COL6A1: variants seen among roughly 807,000 people sequenced by gnomAD.
COL6A1 encodes the protein collagen type VI alpha 1 chain, also known as collagen alpha-1(VI) chain.
COL6A1 carries 80 observed loss-of-function variants against 145.6 expected under a neutral mutation model. That is an observed-to-expected ratio of 0.55 (90% CI 0.46 to 0.66). The LOEUF (loss-of-function observed/expected upper bound fraction) is 0.66, where lower values mean the gene tolerates loss of function less well. Among genes scored for constraint, COL6A1 ranks in the 30% least tolerant of loss-of-function variants. COL6A1 has a pLI of 0.00. For synonymous variants in COL6A1, 638 were observed against 622.8 expected (o/e 1.02, Z -0.36); for missense variants, 1,364 against 1,473.8 (o/e 0.93, Z 1.22).
chr21:46,004,283 C>G lies in COL6A1; in HGVS notation c.*270C>G. On this transcript the variant is annotated 3_prime_UTR_variant, in exon 35 of 35. Transcript: ENST00000361866. Reference sequence around the variant, plus strand: ...GCACAGGGCCCTCTGAGGCTCAGCCCTGAGCTGGCGTCACCTGTGCAGGGC... The same window carrying G: ...GCACAGGGCCCTCTGAGGCTCAGCCGTGAGCTGGCGTCACCTGTGCAGGGC... 1.8e-6 allele frequency: 1 copy of G among 547,438 alleles called. No homozygotes were observed. The highest frequency in any genetic ancestry group is 3.3e-6 in the Non-Finnish European group (1 of 306,206). 33.9% of individuals were successfully genotyped at this position (547,438 alleles called of 1,614,324 possible).
At chr21:45,987,199 C>T (rs1038957374) in intron 6 of COL6A1, 24 bp downstream of exon 6, 2 of 1,590,904 alleles carry the variant, frequency 1.3e-6, no homozygotes, top group African/African-American at 2.7e-5. Flanking sequence ...CCACCACCCC[C>T]AGCCGTGAGT....
chr21:45,982,853 C>T (rs183054027), intron 2 of COL6A1, 90 bp downstream of exon 2: 1 of 1,561,050 alleles, frequency 6.4e-7, no homozygotes, highest in Non-Finnish European at 8.7e-7. Flanking sequence ...GTGCGACGGC[C>T]TCAACCTCCT....
chr21:45,993,820 C>A (rs2077789942), intron 19 of COL6A1, among the ~76,000 whole-genome samples: 1 of 152,216 alleles, frequency 6.6e-6, no homozygotes, highest in Non-Finnish European at 1.5e-5. Flanking sequence ...AGAGGAAGGG[C>A]CAGCCACGCA....
chr21:46,001,205 G>A (rs2077842701), intron 29 of COL6A1, 48 bp from the exon 30 acceptor site: 2 of 1,589,092 alleles, frequency 1.3e-6, no homozygotes, highest in Non-Finnish European at 1.7e-6. Flanking sequence ...AGGGGCCAGG[G>A]CACTGGAGGG....
intron 3 of COL6A1, among the ~76,000 whole-genome samples, chr21:45,985,954 C>G (rs923396584): frequency 6.6e-6 from 1 of 152,216 alleles, no homozygotes; most frequent in East Asian, 1.9e-4. Flanking sequence ...CAGACAGACA[C>G]GACTCCCCTA....
At position 45,990,966 on chromosome 21, in the gene COL6A1, C is replaced by T. The variant is rs1408056882; in HGVS notation, c.1057-13C>T. 4 of 1,613,476 alleles carry T rather than the reference C, an allele frequency of 2.5e-6. No homozygotes were observed. The highest frequency in any genetic ancestry group is 1.3e-5 in the African/African-American group (1 of 75,056). ...CCTCTGCCGGTGGTGTCATGCTGCC[C>T]TCTTTTCTCCAGGGCATTCAAGGAC... On this transcript the variant is annotated splice_polypyrimidine_tract_variant and intron_variant, in intron 14 of 34. Transcript: ENST00000361866.
Position 46,000,750 on chromosome 21 carries a change from TCTC to T in COL6A1, c.1814-5_1814-3del. 1.2e-6 allele frequency: 2 copies of T among 1,613,886 alleles called. No homozygotes were observed. Among genetic ancestry groups the T allele is most frequent in the Non-Finnish European group, 1.7e-6 (2 of 1,179,880 alleles). ...GACTGGTCTAACTGACTCTTTCTCT[TCTC>T]CTCAGCTTGCTGTGGTGAGACCCAG... On this transcript the variant is annotated splice_polypyrimidine_tract_variant and splice_region_variant and intron_variant, in intron 28 of 34. Transcript: ENST00000361866.
chr21:45,990,205 C>T, intron 11 of COL6A1, 53 bp from the exon 12 acceptor site: 1 of 1,608,062 alleles, frequency 6.2e-7, no homozygotes, highest in Non-Finnish European at 8.5e-7. Flanking sequence ...GCCAGGCTTG[C>T]CCTGCCCTCC....
chr21:45,984,277 G>T lies in COL6A1; in HGVS notation c.236G>T (p.Arg79Leu), dbSNP rs768212224. Residue 79 changes from arginine to leucine, a missense_variant, in exon 3 of 35, where the codon CGC (arginine) becomes CTC (leucine). Arg to Leu is a moderately radical substitution (Grantham distance 102). This residue lies in a region of COL6A1 where 414 missense variants were observed against 437.6 expected (regional missense o/e 0.95). Transcript: ENST00000361866. Reference protein sequence around the residue: ...FIDNLRDRYYRCDRNLVWNAG... With the variant: ...FIDNLRDRYYLCDRNLVWNAG... ...GTGCCTGTTCCTGGCAGGTACTACC[G>T]CTGTGACCGAAACCTGGTGTGGAAC... is the stretch of plus-strand genomic sequence containing the variant. The T allele has an allele frequency of 1.2e-6, 2 of 1,607,344 alleles. No individual in the cohort carries two copies. The highest frequency in any genetic ancestry group is 1.7e-6 in the Non-Finnish European group (2 of 1,177,510).
intron 15 of COL6A1, among the ~76,000 whole-genome samples, chr21:45,991,765 C>A (rs138263497): frequency 1.3e-5 from 2 of 152,300 alleles, no homozygotes; most frequent in Non-Finnish European, 2.9e-5. Context: ...TAATGGGAAC[C>A]AAATCCTGCC....
At chr21:45,997,078 C>T (rs1455014842) in intron 20 of COL6A1, among the ~76,000 whole-genome samples, 3 of 150,718 alleles carry the variant, frequency 2.0e-5, no homozygotes, top group East Asian at 1.9e-4. Context: ...ACCAGCCGGG[C>T]ACTCACCGAA....
chr21:45,989,562 C>T (rs1259840307), intron 9 of COL6A1, 46 bp from the exon 10 acceptor site: 2 of 1,597,348 alleles, frequency 1.3e-6, no homozygotes, highest in South Asian at 1.1e-5. Context: ...CTGGCCCCTG[C>T]CCCTGCTCCT....
intron 2 of COL6A1, 125 bp downstream of exon 2, chr21:45,982,888 C>G: frequency 7.2e-7 from 1 of 1,391,238 alleles, no homozygotes; most frequent in Non-Finnish European, 1.0e-6. Context: ...GTTGCCCTGA[C>G]CGGGGCCCCT....
chr21:45,990,931 G>A (rs1283768155), intron 14 of COL6A1, 48 bp from the exon 15 acceptor site: 3 of 1,611,438 alleles, frequency 1.9e-6, no homozygotes, highest in Non-Finnish European at 1.7e-6. Context: ...GCTGCCAGAG[G>A]CCGCGGTGGC....
Position 45,990,762 on chromosome 21 carries a change from CCT to C in COL6A1, c.1003-8_1003-7del. 6.2e-7 allele frequency: 1 copy of C among 1,613,210 alleles called. No homozygotes were observed. The stretch of plus-strand genomic sequence containing the variant: ...GGCCGTCAGATTTTCTAGTTTTCTT[CCT>C]CTTTCCAGGGGGAGATGGGGTACCC... On this transcript the variant is annotated splice_polypyrimidine_tract_variant and intron_variant, in intron 13 of 34. Transcript: ENST00000361866.
At chr21:45,999,797 G>GT (rs1363216300) in intron 27 of COL6A1, 105 bp downstream of exon 27, 2 of 957,400 alleles carry the variant, frequency 2.1e-6, no homozygotes, top group Non-Finnish European at 1.5e-6. Context: ...GCTCACGGGG[G>GT]GGTGGGTTGT....
At position 45,998,191 on chromosome 21, in the gene COL6A1, G is replaced by A; in HGVS notation, c.1575+20G>A. 1.2e-6 allele frequency: 2 copies of A among 1,610,920 alleles called. No homozygotes were observed. The highest frequency in any genetic ancestry group is 1.3e-5 in the African/African-American group (1 of 74,944). ...TTCCCCGTAAGTGTCCGGAGGCTGA[G>A]CCCACAGGAACATGCCCAAGCTGCC... On this transcript the variant is annotated intron_variant, in intron 23 of 34. Transcript: ENST00000361866.
Position 45,982,774 on chromosome 21 carries a change from C to A in COL6A1, c.227+11C>A. 2 of 1,611,424 alleles carry A rather than the reference C, an allele frequency of 1.2e-6. No homozygotes were observed. Among genetic ancestry groups the A allele is most frequent in the Non-Finnish European group, 1.7e-6 (2 of 1,179,882 alleles). ...CAACCTGAGGGACAGGTAGGAGGGA[C>A]GCCCCGTGACCTTCCTCCTGTGCTT... On this transcript the variant is annotated intron_variant, in intron 2 of 34. Transcript: ENST00000361866.
chr21:45,997,960 T>A (rs565670101), intron 22 of COL6A1, among the ~76,000 whole-genome samples, 161 bp from the exon 23 acceptor site: 2 of 151,886 alleles, frequency 1.3e-5, no homozygotes, highest in Non-Finnish European at 2.9e-5. Context: ...GAGATCCGGG[T>A]CCCAGGGTCC....
Sources: allele counts gnomAD v4.1 joint callset (sites outside exome capture counted in the v4.1 genomes callset), GRCh38; gene constraint gnomAD v4.1.1; regional missense constraint gnomAD v4.1.1; transcripts MANE v1.5; gene names NCBI Gene and HGNC (gene_info 2026-07-23, HGNC 2026-07-21).